Variants in RANBP3 observed in about 807,000 individuals in gnomAD.
RANBP3 encodes the protein ran-binding protein 3.
In RANBP3, 14 loss-of-function variants were observed where a neutral mutation model predicts 77.3. The ratio of observed to expected loss-of-function variants is 0.18; its 90% confidence interval spans 0.12 to 0.28. RANBP3 has a LOEUF of 0.28. Ranked by LOEUF, RANBP3 falls within the 10% of genes least tolerant of loss-of-function variation. RANBP3 has a pLI of 1.00. For missense variants in RANBP3, 586 were observed against 752.3 expected (o/e 0.78, Z 2.59); for synonymous variants, 315 against 312.4 (o/e 1.01, Z -0.09).
rs565271075 is a variant in RANBP3, at chr19:5,964,540, C to T, written c.23-6567G>A. Among the ~76,000 whole-genome samples, 5 of 152,268 alleles carry T rather than the reference C, an allele frequency of 3.3e-5. No individual in the cohort carries two copies. In the East Asian group the frequency reaches 7.8e-4, roughly 24 times the overall value. The stretch of plus-strand genomic sequence containing the variant: ...GTCTAGAGCACCCATCACACCTTAT[C>T]TGAACATATGACACAGGGGAGGCAC... On this transcript the variant is annotated intron_variant, in intron 1 of 16. Transcript: ENST00000340578.
At chr19:5,948,876 C>T (rs990557863) in intron 3 of RANBP3, among the ~76,000 whole-genome samples, 10 of 152,130 alleles carry the variant, frequency 6.6e-5, no homozygotes, top group African/African-American at 2.4e-4. Flanking sequence ...CAGTGAGTGC[C>T]CAGAGCTGCC....
chr19:5,962,101 G>C lies in RANBP3; in HGVS notation c.23-4128C>G, dbSNP rs77799123. Among the ~76,000 whole-genome samples, 263 of 152,168 alleles carry C rather than the reference G, an allele frequency of 1.7e-3. 1 individual carries two copies. Among genetic ancestry groups the C allele is most frequent in the African/African-American group, 6.0e-3 (249 of 41,510 alleles). Reference sequence around the variant, plus strand: ...CGCGGAGACCACGGCCACAGCAGCTGAAACAGCCTATCACCCAGCGTACAC... The same window carrying C: ...CGCGGAGACCACGGCCACAGCAGCTCAAACAGCCTATCACCCAGCGTACAC... On this transcript the variant is annotated intron_variant, in intron 1 of 16. Transcript: ENST00000340578.
At chr19:5,929,639 TC>T (rs1343930909) in intron 8 of RANBP3, among the ~76,000 whole-genome samples, 1 of 152,220 alleles carries the variant, frequency 6.6e-6, no homozygotes, top group African/African-American at 2.4e-5. Context: ...TACCAGGAGT[TC>T]CCCCATGGGT....
At chr19:5,947,611 G>C (rs957757676) in intron 3 of RANBP3, among the ~76,000 whole-genome samples, 2 of 152,236 alleles carry the variant, frequency 1.3e-5, no homozygotes, top group African/African-American at 4.8e-5. Flanking sequence ...CCTTTGACTT[G>C]TCTCTCTGGC....
At position 5,917,581 on chromosome 19, in the gene RANBP3, A is replaced by C. The variant is rs2057755776; in HGVS notation, c.*29T>G. 4 of 1,565,318 alleles carry C rather than the reference A, an allele frequency of 2.6e-6. No homozygotes were observed. Among genetic ancestry groups the C allele is most frequent in the Non-Finnish European group, 3.4e-6 (4 of 1,159,534 alleles). On this transcript the variant is annotated 3_prime_UTR_variant, in exon 17 of 17. Transcript: ENST00000340578. ...CGGGTGGATAGACGGACAAAGCAGC[A>C]GCCTGGTGTGCAGCCGGGCTCCCGG...
At chr19:5,975,105 T>C (rs2145299107) in intron 1 of RANBP3, among the ~76,000 whole-genome samples, 1 of 152,294 alleles carries the variant, frequency 6.6e-6, no homozygotes, top group South Asian at 2.1e-4. Flanking sequence ...GAGGCCCCAC[T>C]TTACACAGTG....
chr19:5,943,853 A>G (rs1207063417), intron 3 of RANBP3, among the ~76,000 whole-genome samples: 1 of 152,214 alleles, frequency 6.6e-6, no homozygotes, highest in Non-Finnish European at 1.5e-5. Flanking sequence ...TGAAAATACC[A>G]CTGAGTCCAA....
At chr19:5,944,677 A>AC in intron 3 of RANBP3, among the ~76,000 whole-genome samples, 1 of 152,174 alleles carries the variant, frequency 6.6e-6, no homozygotes, top group Non-Finnish European at 1.5e-5. Flanking sequence ...TGTGCAGGTC[A>AC]CTGTCTGAGG....
chr19:5,934,396 C>CA (rs1466015205), intron 5 of RANBP3: 4 of 152,196 alleles, frequency 2.6e-5, no homozygotes, highest in Admixed American at 2.0e-4. Context: ...AGCTACAGGA[C>CA]ACAAGATCAA....
chr19:5,924,435 T>C lies in RANBP3; in HGVS notation c.996+392A>G, dbSNP rs559639016. On this transcript the variant is annotated intron_variant, in intron 11 of 16. Coordinates refer to ENST00000340578, the MANE Select transcript of RANBP3 (RefSeq NM_007322.3). The surrounding 1 kb of genome is among the most constrained non-coding windows in gnomAD (Gnocchi z 4.7). ...GCACCCAAGGCCTTGGCCGCGGTTA[T>C]GCTCACAGGAGCAGGGAGGCCAGCA... 1.3e-5 allele frequency among the ~76,000 whole-genome samples: 2 copies of C among 152,368 alleles called. No individual in the cohort carries two copies. The highest frequency in any genetic ancestry group is 4.1e-4 in the South Asian group (2 of 4,830).
intron 3 of RANBP3, among the ~76,000 whole-genome samples, chr19:5,944,201 G>A (rs1396189534): frequency 6.6e-6 from 1 of 152,196 alleles, no homozygotes; most frequent in Non-Finnish European, 1.5e-5. Flanking sequence ...GCTACGCTGG[G>A]GGCAGGGCTT....
intron 5 of RANBP3, among the ~76,000 whole-genome samples, chr19:5,938,646 C>T (rs554895892): frequency 2.2e-4 from 34 of 152,202 alleles, no homozygotes; most frequent in Admixed American, 7.8e-4. Context: ...GAGCCAAGAT[C>T]GCCCCATTGC....
At chr19:5,977,873 T>C (rs1270713741) in intron 1 of RANBP3, among the ~76,000 whole-genome samples, 188 bp downstream of exon 1, 1 of 152,034 alleles carries the variant, frequency 6.6e-6, no homozygotes, top group Non-Finnish European at 1.5e-5. Context: ...CCGGGAGTGA[T>C]GGGCCGGGCC....
chr19:5,932,944 A>G (rs1398771104), intron 6 of RANBP3: 1 of 267,024 alleles, frequency 3.7e-6, no homozygotes, highest in Non-Finnish European at 7.2e-6. Flanking sequence ...CATGCTGAGG[A>G]AGTCCCTCTG....
chr19:5,922,865 A>G (rs1162760579), intron 13 of RANBP3, among the ~76,000 whole-genome samples: 1 of 152,252 alleles, frequency 6.6e-6, no homozygotes, highest in Non-Finnish European at 1.5e-5. Context: ...CCTTGAACCC[A>G]GGAAGCAGAG....
chr19:5,970,126 GACCA>G (rs1370568149), intron 1 of RANBP3, among the ~76,000 whole-genome samples: 1 of 152,114 alleles, frequency 6.6e-6, no homozygotes, highest in East Asian at 1.9e-4. Flanking sequence ...CAGGGATGCT[GACCA>G]ACATCCTAGG....
At chr19:5,969,348 C>CA (rs763515433) in intron 1 of RANBP3, among the ~76,000 whole-genome samples, 2 of 152,236 alleles carry the variant, frequency 1.3e-5, no homozygotes, top group Non-Finnish European at 2.9e-5. Context: ...CGTTTCCACT[C>CA]ACGCTCTGCT....
Position 5,917,329 on chromosome 19 carries a change from C to T in RANBP3, c.*281G>A, listed in dbSNP as rs936956609. ...GAGGTCTCCAGTCCCAGTGAGAAGC[C>T]GTGACAAGTCTTAATGTGCCATTTC... is the stretch of plus-strand genomic sequence containing the variant. On this transcript the variant is annotated 3_prime_UTR_variant, in exon 17 of 17. Coordinates refer to ENST00000340578, the MANE Select transcript of RANBP3 (RefSeq NM_007322.3). The T allele has an allele frequency of 1.4e-5, 7 of 496,282 alleles. No individual in the cohort carries two copies. Among genetic ancestry groups the T allele is most frequent in the East Asian group, 3.5e-5 (1 of 28,900 alleles). The allele number at this position is 496,282 out of a possible 1,614,324, so 30.7% of individuals were successfully genotyped here.
intron 9 of RANBP3, among the ~76,000 whole-genome samples, chr19:5,927,654 T>C (rs1268021740): frequency 6.6e-6 from 1 of 152,224 alleles, no homozygotes; most frequent in Non-Finnish European, 1.5e-5. Context: ...GCTGTCTTTC[T>C]TCTCTGCTAT....
Sources: allele counts gnomAD v4.1 joint callset (sites outside exome capture counted in the v4.1 genomes callset), GRCh38; gene constraint gnomAD v4.1.1; non-coding constraint Gnocchi (gnomAD v3.1); transcripts MANE v1.5; gene names NCBI Gene and HGNC (gene_info 2026-07-23, HGNC 2026-07-21).